USP48: variants seen among roughly 807,000 people sequenced by gnomAD.
The protein encoded by USP48 is ubiquitin specific peptidase 48, also known as ubiquitin carboxyl-terminal hydrolase 48.
Under a neutral mutation model 150.7 loss-of-function variants are expected in USP48, and 43 were observed. The ratio of observed to expected loss-of-function variants is 0.29; its 90% CI spans 0.22 to 0.37. The LOEUF is 0.37. Among genes scored for constraint, USP48 ranks in the 10% least tolerant of loss-of-function variants. USP48 has a pLI of 1.00. For synonymous variants in USP48, 396 were observed against 425.9 expected, an observed-to-expected ratio of 0.93 and a Z score of 0.86; for missense variants, 813 against 1,249.6, an observed-to-expected ratio of 0.65 and a Z score of 5.27.
intron 8 of USP48, among the ~76,000 whole-genome samples, chr1:21,741,928 C>T (rs1478281855): frequency 1.3e-5 from 2 of 152,072 alleles, no homozygotes; most frequent in African/African-American, 4.8e-5. Flanking sequence ...GAGCCATGAT[C>T]GTGCTACACT....
At position 21,747,091 on chromosome 1, in the gene USP48, T is replaced by G; in HGVS notation, c.967A>C (p.Met323Leu). The G allele has an allele frequency of 6.2e-7, 1 of 1,612,202 alleles. No homozygotes were observed. The highest frequency in any genetic ancestry group is 8.5e-7 in the Non-Finnish European group (1 of 1,179,704). The change falls in exon 8 of 27, where the codon ATG (methionine) becomes CTG (leucine). Residue 323 changes from methionine (M) to leucine (L), a missense_variant. Transcript: ENST00000308271. The stretch of plus-strand genomic sequence containing the variant: ...CCTTTATGTTCCACATAAGGCTCCA[T>G]ATCCAAAATTTCTGAGAAGCCAATG... ...TYIGFSEILD[M>L]EPYVEHKGGS...
chr1:21,701,745 A>G, intron 21 of USP48, 143 bp from the exon 22 acceptor site: 1 of 619,162 alleles, frequency 1.6e-6, no homozygotes, highest in Non-Finnish European at 2.9e-6. Flanking sequence ...AGAGTGGATC[A>G]AGAATCAAGC....
At chr1:21,679,938 C>T (rs112259931) in intron 26 of USP48, among the ~76,000 whole-genome samples, 2,612 of 152,306 alleles carry the variant, frequency 0.017, 39 homozygotes, top group Non-Finnish European at 0.028. Flanking sequence ...AAGTGACCCA[C>T]CCGTCTCAAC....
chr1:21,765,489 C>T lies in USP48; in HGVS notation c.135-7706G>A, dbSNP rs137897792. On this transcript the variant is annotated intron_variant, in intron 1 of 26. Coordinates refer to ENST00000308271, the MANE Select transcript of USP48 (RefSeq NM_032236.8). Reference sequence around the variant, plus strand: ...AAAATGTGCCAGGCATGGTGGCACGCGCCTGTAGTCCCACCTACTCCAGAG... The same window carrying T: ...AAAATGTGCCAGGCATGGTGGCACGTGCCTGTAGTCCCACCTACTCCAGAG... 4.5e-3 allele frequency among the ~76,000 whole-genome samples: 684 copies of T among 152,044 alleles called. 4 individuals carry two copies. Among genetic ancestry groups the T allele is most frequent in the African/African-American group, 0.016 (650 of 41,456 alleles).
chr1:21,709,012 C>T (rs1038829684), intron 15 of USP48, among the ~76,000 whole-genome samples: 4 of 151,716 alleles, frequency 2.6e-5, no homozygotes, highest in Non-Finnish European at 2.9e-5. Context: ...TGGGCTCAAG[C>T]GATCCTCCTG....
At chr1:21,765,018 A>G (rs2097858452) in intron 1 of USP48, among the ~76,000 whole-genome samples, 1 of 152,254 alleles carries the variant, frequency 6.6e-6, no homozygotes, top group South Asian at 2.1e-4. Flanking sequence ...AAAATATCAT[A>G]TAACCCTGCA....
Position 21,782,964 on chromosome 1 carries a change from G to C in USP48, c.-7C>G. On this transcript the variant is annotated 5_prime_UTR_variant, in exon 1 of 27. Transcript: ENST00000308271. ...GCTGCAGCCGCGGGGCCATGGCCTT[G>C]GCCCCAGGAACGCCTCCCGAGCCAG... 3 of 1,533,268 alleles carry C rather than the reference G, an allele frequency of 2.0e-6. No homozygotes were observed. The highest frequency in any genetic ancestry group is 2.6e-6 in the Non-Finnish European group (3 of 1,143,710). The allele number at this position is 1,533,268 out of a possible 1,614,324, so 95.0% of individuals were successfully genotyped here.
rs145688543 is a variant in USP48, at chr1:21,680,108, C to T, written c.3086-669G>A. Among the ~76,000 whole-genome samples the T allele has an allele frequency of 2.1e-3, 320 of 152,304 alleles. 1 individual carries two copies. Among genetic ancestry groups the T allele is most frequent in the African/African-American group, 7.3e-3 (302 of 41,560 alleles). Reference sequence around the variant, plus strand: ...CAGCAAGAGGAAGACTTTATTTTGGCCAGTAGATTTGTCTCTCATTTGCTT... The same window carrying T: ...CAGCAAGAGGAAGACTTTATTTTGGTCAGTAGATTTGTCTCTCATTTGCTT... On this transcript the variant is annotated intron_variant, in intron 26 of 26. Coordinates refer to ENST00000308271, the MANE Select transcript of USP48 (RefSeq NM_032236.8).
At chr1:21,718,042 A>G (rs1383456737) in intron 14 of USP48, among the ~76,000 whole-genome samples, 1 of 152,268 alleles carries the variant, frequency 6.6e-6, no homozygotes, top group Admixed American at 6.5e-5. Flanking sequence ...AAGAAAATTT[A>G]CCAATATGTG....
intron 1 of USP48, among the ~76,000 whole-genome samples, chr1:21,773,238 G>A (rs1572052571): frequency 2.4e-5 from 3 of 127,342 alleles, no homozygotes; most frequent in South Asian, 4.7e-4. Context: ...CTGGGCAACA[G>A]ACTGAGACTC....
At chr1:21,694,822 C>T (rs2097621112) in intron 23 of USP48, among the ~76,000 whole-genome samples, 1 of 152,104 alleles carries the variant, frequency 6.6e-6, no homozygotes, top group African/African-American at 2.4e-5. Context: ...ACAACCTCAA[C>T]ATGTGACAAA....
At chr1:21,745,494 T>TCCGTGATGAG (rs1553138297) in intron 8 of USP48, among the ~76,000 whole-genome samples, 2 of 151,812 alleles carry the variant, frequency 1.3e-5, no homozygotes, top group African/African-American at 4.8e-5. Flanking sequence ...GGAGGCTGAG[T>TCCGTGATGAG]CCGTGATGAG....
At chr1:21,736,660 G>T in intron 8 of USP48, 35 bp from the exon 9 acceptor site, 2 of 1,369,138 alleles carry the variant, frequency 1.5e-6, no homozygotes, top group South Asian at 2.1e-5. Context: ...AGAAACGTTG[G>T]ATAACAGTTA....
intron 22 of USP48, among the ~76,000 whole-genome samples, chr1:21,697,662 C>CAA (rs372121302): frequency 0.037 from 2,539 of 68,348 alleles, 29 homozygotes; most frequent in Middle Eastern, 0.12. Context: ...GACTCCATCT[C>CAA]AAAAAAAAAA....
intron 1 of USP48, among the ~76,000 whole-genome samples, chr1:21,772,508 A>G (rs1018800134): frequency 2.6e-5 from 4 of 151,904 alleles, no homozygotes; most frequent in African/African-American, 9.7e-5. Flanking sequence ...CTGTAGTCCC[A>G]GCTACTTGGG....
intron 3 of USP48, among the ~76,000 whole-genome samples, chr1:21,755,667 A>T (rs1178858347): frequency 1.3e-5 from 2 of 152,220 alleles, no homozygotes. Flanking sequence ...GCTTTCAGCA[A>T]GTCAATATAC....
At chr1:21,774,414 C>T (rs111423683) in intron 1 of USP48, among the ~76,000 whole-genome samples, 10,891 of 151,952 alleles carry the variant, frequency 0.072, 471 homozygotes, top group Middle Eastern at 0.11. Context: ...TAGGACCGGT[C>T]GCAGTGGCTC....
Position 21,703,530 on chromosome 1 carries a change from T to C in USP48, c.2604A>G (p.Lys868=). The part of the protein sequence containing the change: ...EYTQATIYVH[K]VVDNKKVMKD... ...CCAGTACCTTTTTATTATCCACAAC[T>C]TTATGGACATAGATGGTGGCTTGAG... The change falls in exon 21 of 27, where the codon AAA becomes AAG. Residue 868 remains lysine (K), a synonymous_variant. Coordinates refer to ENST00000308271, the MANE Select transcript of USP48 (RefSeq NM_032236.8). 1 of 1,612,954 alleles carries C rather than the reference T, an allele frequency of 6.2e-7. No individual in the cohort carries two copies. The highest frequency in any genetic ancestry group is 2.2e-5 in the East Asian group (1 of 44,876).
chr1:21,781,689 G>T (rs944784181), intron 1 of USP48, among the ~76,000 whole-genome samples: 2 of 152,198 alleles, frequency 1.3e-5, no homozygotes, highest in African/African-American at 4.8e-5. Flanking sequence ...AGCCGAGCTC[G>T]TGACACTGCA....
Sources: allele counts gnomAD v4.1 joint callset (sites outside exome capture counted in the v4.1 genomes callset), GRCh38; gene constraint gnomAD v4.1.1; transcripts MANE v1.5; gene names NCBI Gene and HGNC (gene_info 2026-07-23, HGNC 2026-07-21).